The following IRF2 variants were observed in gnomAD, a reference collection of about 807,000 sequenced individuals.
IRF2 encodes interferon regulatory factor 2.
Under a neutral mutation model 40.6 loss-of-function variants are expected in IRF2, and 15 were observed. The observed-to-expected ratio is 0.37, with a 90% CI of 0.25 to 0.57. The LOEUF (loss-of-function observed/expected upper bound fraction) is 0.57. Among genes scored for constraint, IRF2 ranks in the 20% least tolerant of loss-of-function variants. The pLI is 0.77. For synonymous variants in IRF2, 151 were observed against 165.5 expected (o/e 0.91, Z 0.67); for missense variants, 317 against 455.7 (o/e 0.70, Z 2.77).
At chr4:184,444,327 A>T (rs1324552872) in intron 1 of IRF2, among the ~76,000 whole-genome samples, 1 of 152,206 alleles carries the variant, frequency 6.6e-6, no homozygotes, top group African/African-American at 2.4e-5. Context: ...TGTAGAAGCC[A>T]TTCAGGTCTC....
intron 1 of IRF2, among the ~76,000 whole-genome samples, chr4:184,430,266 G>T (rs948810347): frequency 8.1e-6 from 1 of 124,012 alleles, no homozygotes; most frequent in Non-Finnish European, 1.8e-5. Flanking sequence ...CTCACCCTGG[G>T]CCTGTATGCC....
chr4:184,457,365 C>T (rs923445484), intron 1 of IRF2, among the ~76,000 whole-genome samples: 2 of 152,152 alleles, frequency 1.3e-5, no homozygotes, highest in East Asian at 1.9e-4. Context: ...CCCGGCGTGA[C>T]GTCACTCGGA....
chr4:184,443,635 T>C (rs1201293297), intron 1 of IRF2, among the ~76,000 whole-genome samples: 2 of 152,226 alleles, frequency 1.3e-5, no homozygotes, highest in African/African-American at 4.8e-5. Flanking sequence ...CTAGGTTAAG[T>C]CCATATCTTT....
chr4:184,460,828 T>C (rs187247304), intron 1 of IRF2, among the ~76,000 whole-genome samples: 76 of 152,206 alleles, frequency 5.0e-4, no homozygotes, highest in South Asian at 2.3e-3. Flanking sequence ...ATATCTAAAG[T>C]AGGACCTACG....
intron 1 of IRF2, among the ~76,000 whole-genome samples, chr4:184,458,365 G>A (rs777292563): frequency 3.3e-5 from 5 of 152,196 alleles, no homozygotes; most frequent in African/African-American, 1.2e-4. Flanking sequence ...AGCTCTTTGA[G>A]AGCATGGATC....
At chr4:184,409,168 G>A (rs757555170) in intron 5 of IRF2, among the ~76,000 whole-genome samples, 15 of 152,148 alleles carry the variant, frequency 9.9e-5, no homozygotes, top group African/African-American at 2.2e-4. Flanking sequence ...AATCCAAAGC[G>A]GAAGAGGGTA....
chr4:184,454,892 C>G (rs913388454), intron 1 of IRF2, among the ~76,000 whole-genome samples: 1 of 152,260 alleles, frequency 6.6e-6, no homozygotes, highest in African/African-American at 2.4e-5. Context: ...GTGAGATTTC[C>G]TTGGTCTCCC....
intron 1 of IRF2, among the ~76,000 whole-genome samples, chr4:184,429,502 C>G (rs1181644866): frequency 6.6e-6 from 1 of 152,194 alleles, no homozygotes; most frequent in Non-Finnish European, 1.5e-5. Context: ...GATAGCCAAG[C>G]CATTCCTTTT....
Position 184,408,050 on chromosome 4 carries a change from C to T in IRF2, c.529+108G>A, listed in dbSNP as rs951458257. The stretch of plus-strand genomic sequence containing the variant: ...TGGAACTTGCATTCTGAGATGATTC[C>T]AAGACCTCCTCCCACTGACTATGTT... On this transcript the variant is annotated intron_variant, in intron 6 of 8. Transcript: ENST00000393593. The surrounding 1 kb of genome is among the most constrained non-coding windows in gnomAD (Gnocchi z 4.9). 4 of 664,954 alleles carry T rather than the reference C, an allele frequency of 6.0e-6. No homozygotes were observed. The highest frequency in any genetic ancestry group is 2.6e-5 in the East Asian group (1 of 37,916). 41.2% of individuals were successfully genotyped at this position (664,954 alleles called of 1,614,324 possible).
intron 1 of IRF2, among the ~76,000 whole-genome samples, chr4:184,465,489 G>GAAA (rs11393875): frequency 6.6e-6 from 1 of 150,738 alleles, no homozygotes. Context: ...TTTCAAGAAG[G>GAAA]AAAAAAAAAG....
At chr4:184,406,276 C>A (rs1579811136) in intron 6 of IRF2, among the ~76,000 whole-genome samples, 1 of 149,288 alleles carries the variant, frequency 6.7e-6, no homozygotes, top group Non-Finnish European at 1.5e-5. Context: ...GTCACCCAGG[C>A]TGGAGCGCAG....
At chr4:184,400,012 C>A (rs556054523) in intron 6 of IRF2, among the ~76,000 whole-genome samples, 5 of 152,274 alleles carry the variant, frequency 3.3e-5, no homozygotes, top group African/African-American at 1.2e-4. Context: ...ACATAAATAA[C>A]AATCCACCCA....
At chr4:184,428,627 A>G (rs1190333348) in intron 2 of IRF2, 5 of 435,186 alleles carry the variant, frequency 1.1e-5, no homozygotes, top group South Asian at 8.5e-5. Context: ...GCGAGATCCC[A>G]GCTCTACAAA....
intron 5 of IRF2, among the ~76,000 whole-genome samples, chr4:184,414,229 T>C (rs1475322065): frequency 1.3e-5 from 2 of 152,284 alleles, no homozygotes; most frequent in Non-Finnish European, 2.9e-5. Context: ...ACTACTTCTA[T>C]TCTTACTGTT....
chr4:184,471,238 G>A (rs1056891334), intron 1 of IRF2, among the ~76,000 whole-genome samples: 4 of 152,054 alleles, frequency 2.6e-5, no homozygotes, highest in Admixed American at 6.5e-5. Context: ...CAACACTTAC[G>A]AGATATAGTT....
At chr4:184,405,944 C>A (rs1736837594) in intron 6 of IRF2, among the ~76,000 whole-genome samples, 1 of 151,154 alleles carries the variant, frequency 6.6e-6, no homozygotes, top group African/African-American at 2.4e-5. Flanking sequence ...AGTCTCACCT[C>A]AGTGCCCAGG....
At chr4:184,418,268 C>T in intron 4 of IRF2, 55 bp from the exon 5 acceptor site, 3 of 1,328,554 alleles carry the variant, frequency 2.3e-6, no homozygotes, top group Non-Finnish European at 3.3e-6. Flanking sequence ...TCCAGAGAAA[C>T]ATTTCCCTCA....
At chr4:184,416,275 G>T (rs116505315) in intron 5 of IRF2, among the ~76,000 whole-genome samples, 1 of 142,652 alleles carries the variant, frequency 7.0e-6, no homozygotes, top group Non-Finnish European at 1.5e-5. Context: ...CTATGATCGC[G>T]TCACTTCACT....
rs751539849 is a variant in IRF2 at position 184,418,218 on chromosome 4, G to A, written c.365-5C>T. 5 of 1,611,404 alleles carry A rather than the reference G, an allele frequency of 3.1e-6. No homozygotes were observed. The highest frequency in any genetic ancestry group is 1.1e-5 in the South Asian group (1 of 91,020). On this transcript the variant is annotated splice_polypyrimidine_tract_variant and splice_region_variant and intron_variant, in intron 4 of 8. Coordinates refer to ENST00000393593, the MANE Select transcript of IRF2 (RefSeq NM_002199.4). ...TTTCTGTCTTTGGTTTCTTTCCTGT[G>A]GCAACAAAAATGTAGTTTTGGATTA...
Sources: gnomAD v4.1 joint callset for allele counts (sites outside exome capture counted in the v4.1 genomes callset) on GRCh38, gnomAD v4.1.1 for gene constraint, Gnocchi (gnomAD v3.1) non-coding constraint, MANE v1.5 for transcripts, NCBI Gene and HGNC (gene_info 2026-07-23, HGNC 2026-07-21) for gene names.